DLG5: variants seen among roughly 807,000 people sequenced by gnomAD.
DLG5 encodes discs large MAGUK scaffold protein 5.
A neutral mutation model predicts 189.8 loss-of-function variants in DLG5; 48 were observed. That is an observed-to-expected ratio of 0.25 (90% CI 0.20 to 0.32). The LOEUF (loss-of-function observed/expected upper bound fraction) is 0.32. Among genes scored for constraint, DLG5 ranks in the 10% least tolerant of loss-of-function variants. The pLI, the probability that DLG5 is intolerant of heterozygous loss-of-function variation, is 1.00. For missense variants in DLG5, 2,160 were observed against 2,544.7 expected (o/e 0.85, Z 3.25); for synonymous variants, 1,016 against 1,054.1 (o/e 0.96, Z 0.70).
intron 2 of DLG5, among the ~76,000 whole-genome samples, chr10:77,864,274 T>C (rs1279018942): frequency 6.6e-6 from 1 of 152,222 alleles, no homozygotes; most frequent in Non-Finnish European, 1.5e-5. Flanking sequence ...TTCCAGGCCC[T>C]GTATGCCTGT....
At chr10:77,842,646 A>G (rs1248670) in intron 6 of DLG5, among the ~76,000 whole-genome samples, 113,129 of 152,192 alleles carry the variant, frequency 0.74, 42,946 homozygotes, top group African/African-American at 0.9. Flanking sequence ...AGGCCGGGGG[A>G]CATCTTCCAC....
chr10:77,925,530 G>A (rs1846658359), intron 1 of DLG5, among the ~76,000 whole-genome samples: 1 of 152,150 alleles, frequency 6.6e-6, no homozygotes, highest in Non-Finnish European at 1.5e-5. Context: ...ACCCTCAAGG[G>A]AACCAGTCAC....
chr10:77,882,919 G>GA (rs560752874), intron 1 of DLG5, among the ~76,000 whole-genome samples: 346 of 126,624 alleles, frequency 2.7e-3, no homozygotes, highest in East Asian at 7.4e-3. Context: ...ATGTCTCAAA[G>GA]AAAAAAAAAA....
chr10:77,807,053 G>C (rs1277424356), intron 25 of DLG5, 125 bp from the exon 26 acceptor site: 2 of 1,061,330 alleles, frequency 1.9e-6, no homozygotes, highest in East Asian at 2.6e-5. Flanking sequence ...ACTTGATCAG[G>C]AATCGCCGAG....
chr10:77,810,845 AAGG>A (rs1451715866), intron 23 of DLG5, among the ~76,000 whole-genome samples: 15 of 152,348 alleles, frequency 9.8e-5, no homozygotes, highest in Middle Eastern at 3.4e-3. Context: ...TGAACAAGAA[AAGG>A]AGAAGAGAAA....
chr10:77,840,846 C>A (rs1009777846), intron 7 of DLG5, among the ~76,000 whole-genome samples: 2 of 152,178 alleles, frequency 1.3e-5, no homozygotes, highest in Admixed American at 6.5e-5. Context: ...CCAGGCCTGA[C>A]GAGGAGTTGC....
intron 1 of DLG5, among the ~76,000 whole-genome samples, chr10:77,879,592 G>A (rs1845212499): frequency 6.6e-6 from 1 of 151,844 alleles, no homozygotes; most frequent in Non-Finnish European, 1.5e-5. Flanking sequence ...GACAAGAATG[G>A]TGTTGGTGAG....
intron 27 of DLG5, among the ~76,000 whole-genome samples, chr10:77,802,555 A>G (rs1841261900): frequency 1.3e-5 from 2 of 152,276 alleles, no homozygotes; most frequent in Non-Finnish European, 2.9e-5. Context: ...GCAAATGGAC[A>G]GACTGAGTCA....
At chr10:77,808,064 T>G in intron 24 of DLG5, 120 bp from the exon 25 acceptor site, 59 of 1,186,862 alleles carry the variant, frequency 5.0e-5, no homozygotes, top group Non-Finnish European at 6.2e-5. Context: ...ACTGAGACTC[T>G]GGCTACCTCC....
intron 1 of DLG5, among the ~76,000 whole-genome samples, chr10:77,906,370 G>A (rs115417110): frequency 2.1e-3 from 319 of 152,312 alleles, no homozygotes; most frequent in African/African-American, 7.1e-3. Flanking sequence ...TGACTGAACC[G>A]TACCTGCTAA....
intron 27 of DLG5, among the ~76,000 whole-genome samples, chr10:77,802,513 G>A (rs1841258610): frequency 6.6e-6 from 1 of 152,246 alleles, no homozygotes; most frequent in Admixed American, 6.5e-5. Context: ...CAATGGAAAT[G>A]TAAAAGGCAA....
At chr10:77,840,665 G>A (rs986977220) in intron 7 of DLG5, among the ~76,000 whole-genome samples, 36 of 152,174 alleles carry the variant, frequency 2.4e-4, no homozygotes, top group African/African-American at 8.4e-4. Flanking sequence ...GTTGCAGTGA[G>A]CCGAGATTGC....
At chr10:77,849,339 G>A (rs376856862) in intron 5 of DLG5, among the ~76,000 whole-genome samples, 3 of 152,256 alleles carry the variant, frequency 2.0e-5, no homozygotes, top group African/African-American at 4.8e-5. Flanking sequence ...TGGGCCCAGC[G>A]GGGAGCAAGC....
chr10:77,910,689 A>G (rs1846192385), intron 1 of DLG5, among the ~76,000 whole-genome samples: 1 of 152,212 alleles, frequency 6.6e-6, no homozygotes, highest in Non-Finnish European at 1.5e-5. Context: ...TAAGAAATGT[A>G]GGCCGGGCGT....
At chr10:77,901,164 T>C (rs1845916100) in intron 1 of DLG5, among the ~76,000 whole-genome samples, 1 of 151,926 alleles carries the variant, frequency 6.6e-6, no homozygotes, top group African/African-American at 2.4e-5. Flanking sequence ...ACAATCCCTT[T>C]CCTTGGATGT....
rs551256330 is a variant in DLG5, at chr10:77,832,112, G to A, written c.1749-1239C>T. Among the ~76,000 whole-genome samples, 11 of 152,170 alleles carry A rather than the reference G, an allele frequency of 7.2e-5. No homozygotes were observed. In the East Asian group the frequency reaches 2.1e-3, roughly 29 times the overall value. ...AATCCCAGCTACTCAGGAGGCTGAG[G>A]TACAAGAATCACCTGAACCCAGGAA... On this transcript the variant is annotated intron_variant, in intron 9 of 31. Coordinates refer to ENST00000372391, the MANE Select transcript of DLG5 (RefSeq NM_004747.4).
chr10:77,877,838 G>C (rs1005885839), intron 1 of DLG5, among the ~76,000 whole-genome samples: 2 of 152,190 alleles, frequency 1.3e-5, no homozygotes, highest in Non-Finnish European at 2.9e-5. Context: ...CACCCACAAG[G>C]CGAGGTGTGA....
At chr10:77,855,212 A>G (rs762170125) in intron 3 of DLG5, among the ~76,000 whole-genome samples, 10 of 152,202 alleles carry the variant, frequency 6.6e-5, no homozygotes, top group Non-Finnish European at 1.2e-4. Context: ...AACACTGGCC[A>G]TGAGCAGTGA....
chr10:77,895,469 T>C (rs1414635089), intron 1 of DLG5, among the ~76,000 whole-genome samples: 1 of 152,166 alleles, frequency 6.6e-6, no homozygotes, highest in Non-Finnish European at 1.5e-5. Flanking sequence ...CTCCTGGCAA[T>C]GGTACATTTG....
Sources: allele counts gnomAD v4.1 joint callset (sites outside exome capture counted in the v4.1 genomes callset), GRCh38; gene constraint gnomAD v4.1.1; transcripts MANE v1.5; gene names NCBI Gene and HGNC (gene_info 2026-07-23, HGNC 2026-07-21).